Variants in CNPY3 observed in about 807,000 individuals in gnomAD.
The protein encoded by CNPY3 is protein canopy homolog 3.
Under a neutral mutation model 32.0 loss-of-function variants are expected in CNPY3, and 20 were observed. The observed-to-expected ratio is 0.63, with a 90% CI of 0.44 to 0.91. The LOEUF (loss-of-function observed/expected upper bound fraction) is 0.91. CNPY3 is among the 40% of genes least tolerant of loss of function. CNPY3 has a pLI of 0.00. For synonymous variants in CNPY3, 138 were observed against 142.9 expected (o/e 0.97, Z 0.24); for missense variants, 299 against 340.8 (o/e 0.88, Z 0.97).
intron 1 of CNPY3, 41 bp from the exon 2 acceptor site, chr6:42,934,434 C>T (rs754370632): frequency 1.2e-6 from 2 of 1,611,976 alleles, no homozygotes; most frequent in East Asian, 2.2e-5. Context: ...TCCCATTAGA[C>T]TCATGTGCAC....
intron 1 of CNPY3, among the ~76,000 whole-genome samples, chr6:42,931,732 A>ATTT (rs1006891749): frequency 2.1e-5 from 3 of 146,128 alleles, no homozygotes; most frequent in South Asian, 4.4e-4. Context: ...TATTATTATT[A>ATTT]TTTTTTTTTG....
At position 42,933,946 on chromosome 6, in the gene CNPY3, G is replaced by A. The variant is rs527375136; in HGVS notation, c.152-529G>A. Among the ~76,000 whole-genome samples the A allele has an allele frequency of 6.6e-5, 10 of 152,220 alleles. No homozygotes were observed. In the East Asian group the frequency reaches 7.7e-4, roughly 12 times the overall value. On this transcript the variant is annotated intron_variant, in intron 1 of 5. Coordinates refer to ENST00000372836, the MANE Select transcript of CNPY3 (RefSeq NM_006586.5). The stretch of plus-strand genomic sequence containing the variant: ...AGCACTTTGTGAGGCCGAGGTGGGC[G>A]GATCGCTTGAGGTCAGGAGTTCAAG...
In CNPY3 at chr6:42,933,013, A is replaced by G. The variant is rs540588257; in HGVS notation, c.152-1462A>G. On this transcript the variant is annotated intron_variant, in intron 1 of 5. Coordinates refer to ENST00000372836, the MANE Select transcript of CNPY3 (RefSeq NM_006586.5). Reference sequence around the variant, plus strand: ...TCCCAGGCTAAGGAAATACGAAAAAATCTAATACATAATGCACATTTTGGG... The same window carrying G: ...TCCCAGGCTAAGGAAATACGAAAAAGTCTAATACATAATGCACATTTTGGG... Among the ~76,000 whole-genome samples, 135 of 152,316 alleles carry G rather than the reference A, an allele frequency of 8.9e-4. 1 individual carries two copies. The highest frequency in any genetic ancestry group is 3.2e-3 in the African/African-American group (132 of 41,582).
Position 42,929,645 on chromosome 6 carries a change from G to A in CNPY3, c.75G>A (p.Leu25=). 1 of 1,554,076 alleles carries A rather than the reference G, an allele frequency of 6.4e-7. No homozygotes were observed. The highest frequency in any genetic ancestry group is 8.7e-7 in the Non-Finnish European group (1 of 1,149,782). The change falls in exon 1 of 6, where the codon CTG becomes CTA. Residue 25 remains leucine, a synonymous_variant. Transcript: ENST00000372836. ...TGCTGCTGCTGCTGCTGCTGCTGCTGCCGGCCCCGGAGCTGGGCCCGAGCC... is the reference window on the plus strand; with the variant it reads ...TGCTGCTGCTGCTGCTGCTGCTGCTACCGGCCCCGGAGCTGGGCCCGAGCC... ...LPLLLLLLLL[L]PAPELGPSQA...
upstream of CNPY3, chr6:42,929,399 C>A: frequency 1.4e-6 from 1 of 711,006 alleles, no homozygotes; most frequent in South Asian, 2.0e-5. Context: ...GGGCCTTGGT[C>A]CGCTTTGAAG....
rs767956690 is a variant in CNPY3, at chr6:42,929,534, A to C, written c.-37A>C. On this transcript the variant is annotated 5_prime_UTR_variant, in exon 1 of 6. Coordinates refer to ENST00000372836, the MANE Select transcript of CNPY3 (RefSeq NM_006586.5). Reference sequence around the variant, plus strand: ...CTCCGCGCGCGCCGCGGGAGGAGGAACCGCCCGGTCCTTTAGGGTCCGGGC... The same window carrying C: ...CTCCGCGCGCGCCGCGGGAGGAGGACCCGCCCGGTCCTTTAGGGTCCGGGC... 1 of 1,521,190 alleles carries C rather than the reference A, an allele frequency of 6.6e-7. No individual in the cohort carries two copies. The highest frequency in any genetic ancestry group is 1.2e-5 in the South Asian group (1 of 83,136). 94.2% of individuals were successfully genotyped at this position (1,521,190 alleles called of 1,614,324 possible).
chr6:42,929,500 G>A lies in CNPY3; in HGVS notation c.-71G>A, dbSNP rs766533951. 6.8e-6 allele frequency: 10 copies of A among 1,463,480 alleles called. No homozygotes were observed. Among genetic ancestry groups the A allele is most frequent in the Middle Eastern group, 2.5e-4 (1 of 4,052 alleles). 90.7% of individuals were successfully genotyped at this position (1,463,480 alleles called of 1,614,324 possible). On this transcript the variant is annotated 5_prime_UTR_variant, in exon 1 of 6. Transcript: ENST00000372836. ...CGTGTGCAGTCCCGGAAGCGGCGAG[G>A]GGAAACTGCTCCGCGCGCGCCGCGG...
intron 1 of CNPY3, among the ~76,000 whole-genome samples, chr6:42,933,780 AAG>A (rs1430937462): frequency 2.0e-5 from 3 of 152,238 alleles, no homozygotes; most frequent in African/African-American, 7.2e-5. Context: ...TTATATATTG[AAG>A]AGAGAATGTG....
rs559225033 is a variant in CNPY3, at chr6:42,935,221, T to C, written c.276-353T>C. Among the ~76,000 whole-genome samples, 159 of 152,208 alleles carry C rather than the reference T, an allele frequency of 1.0e-3. 1 individual carries two copies. The highest frequency in any genetic ancestry group is 1.1e-3 in the Non-Finnish European group (78 of 68,044). ...CAGGATTACCAGCTTTTTATTTTGC[T>C]AGGTACAAATATAGTTTTTAAAAAC... On this transcript the variant is annotated intron_variant, in intron 2 of 5. Coordinates refer to ENST00000372836, the MANE Select transcript of CNPY3 (RefSeq NM_006586.5).
intron 3 of CNPY3, among the ~76,000 whole-genome samples, chr6:42,935,980 A>T (rs1256492884): frequency 1.3e-5 from 2 of 151,872 alleles, no homozygotes; most frequent in African/African-American, 4.8e-5. Context: ...AAGATCCACG[A>T]TGTGCAGAAA....
chr6:42,931,531 G>T (rs752199490), intron 1 of CNPY3, among the ~76,000 whole-genome samples: 1 of 151,214 alleles, frequency 6.6e-6, no homozygotes, highest in Non-Finnish European at 1.5e-5. Context: ...CACCACTCCC[G>T]GCTATTTTTA....
At position 42,933,118 on chromosome 6, in the gene CNPY3, A is replaced by G. The variant is rs191706833; in HGVS notation, c.152-1357A>G. Among the ~76,000 whole-genome samples the G allele has an allele frequency of 9.2e-5, 14 of 152,308 alleles. No individual in the cohort carries two copies. In the East Asian group the frequency reaches 2.5e-3, roughly 27 times the overall value. On this transcript the variant is annotated intron_variant, in intron 1 of 5. Transcript: ENST00000372836. Reference sequence around the variant, plus strand: ...GAGCATGGATCCTGCAGAGGCCCAGAGTGAAATCTAGAGCAATTGGCATTA... The same window carrying G: ...GAGCATGGATCCTGCAGAGGCCCAGGGTGAAATCTAGAGCAATTGGCATTA...
In CNPY3 at chr6:42,938,147, CA is replaced by C; in HGVS notation, c.554del (p.Gln185ArgfsTer5). The C allele has an allele frequency of 1.2e-6, 2 of 1,614,142 alleles. No homozygotes were observed. The highest frequency in any genetic ancestry group is 1.7e-6 in the Non-Finnish European group (2 of 1,180,020). ...GATCGAGGACTGGTACAGGAACCAC[CA>C]GGAGGAAGACCTGACTGAATTCCTC... ...EVIEDWYRNH[Q>X]EEDLTEFLCA... is the part of the protein sequence containing the mutation. On this transcript the variant is annotated frameshift_variant, in exon 5 of 6. Coordinates refer to ENST00000372836, the MANE Select transcript of CNPY3 (RefSeq NM_006586.5). LOFTEE classifies it high-confidence loss of function.
intron 3 of CNPY3, among the ~76,000 whole-genome samples, chr6:42,936,470 C>T (rs922756536): frequency 2.6e-5 from 4 of 152,262 alleles, no homozygotes; most frequent in East Asian, 1.9e-4. Flanking sequence ...GACTAGTATG[C>T]GGCTGGAAAC....
Position 42,938,969 on chromosome 6 carries a change from C to T in CNPY3, c.*178C>T. 2.9e-6 allele frequency: 4 copies of T among 1,387,658 alleles called. No individual in the cohort carries two copies. Among genetic ancestry groups the T allele is most frequent in the Non-Finnish European group, 3.7e-6 (4 of 1,068,514 alleles). The allele number at this position is 1,387,658 out of a possible 1,614,324, so 86.0% of individuals were successfully genotyped here. The stretch of plus-strand genomic sequence containing the variant: ...AGAACTCAGAGCCGTCATGGGTAGC[C>T]CACGCCGTCCTTTCCCCTCCCCAAG... On this transcript the variant is annotated 3_prime_UTR_variant, in exon 6 of 6. Coordinates refer to ENST00000372836, the MANE Select transcript of CNPY3 (RefSeq NM_006586.5).
intron 2 of CNPY3, among the ~76,000 whole-genome samples, chr6:42,934,960 G>A (rs1768110345): frequency 6.6e-6 from 1 of 152,178 alleles, no homozygotes; most frequent in African/African-American, 2.4e-5. Flanking sequence ...TGCCTCCCGG[G>A]TTCAAGAGAT....
At chr6:42,936,515 AT>A (rs1768244714) in intron 3 of CNPY3, among the ~76,000 whole-genome samples, 1 of 152,076 alleles carries the variant, frequency 6.6e-6, no homozygotes, top group African/African-American at 2.4e-5. Flanking sequence ...ACTGAATTCA[AT>A]TGATTTTCAA....
rs938238407 is a variant in CNPY3 at position 42,929,825 on chromosome 6, G to A, written c.151+104G>A. On this transcript the variant is annotated intron_variant, in intron 1 of 5. Transcript: ENST00000372836. ...GGTTGCAAGGTTCCGAGCTCTGCAG[G>A]GTGTCTTCCTTCCTTGAACAGGCTT... The A allele has an allele frequency of 2.0e-5, 26 of 1,324,082 alleles. No individual in the cohort carries two copies. In the South Asian group the frequency reaches 3.6e-4, roughly 19 times the overall value. The allele number at this position is 1,324,082 out of a possible 1,614,324, so 82.0% of individuals were successfully genotyped here. A position where few individuals can be genotyped will look rare whatever the true frequency, so the allele number is the denominator to read the frequency against.
At chr6:42,935,357 A>T in intron 2 of CNPY3, 1 of 923,524 alleles carries the variant, frequency 1.1e-6, no homozygotes, top group Non-Finnish European at 1.3e-6. Flanking sequence ...TAGCTTTATA[A>T]AAAATTCCTT....
Sources: allele counts gnomAD v4.1 joint callset (sites outside exome capture counted in the v4.1 genomes callset), GRCh38; gene constraint gnomAD v4.1.1; transcripts MANE v1.5; gene names NCBI Gene and HGNC (gene_info 2026-07-23, HGNC 2026-07-21).